The following PCCA variants were observed in gnomAD, a reference collection of about 807,000 sequenced individuals.
The protein encoded by PCCA is propionyl-CoA carboxylase subunit alpha.
A neutral mutation model predicts 101.3 loss-of-function variants in PCCA; 74 were observed. The ratio of observed to expected loss-of-function variants is 0.73; its 90% confidence interval spans 0.61 to 0.89. The LOEUF is 0.89. PCCA is among the 40% of genes least tolerant of loss of function. PCCA has a pLI of 0.00. For missense variants in PCCA, 891 were observed against 907.0 expected (o/e 0.98, Z 0.23); for synonymous variants, 294 against 313.6 (o/e 0.94, Z 0.66).
chr13:100,174,896 AT>A (rs1053505215), intron 6 of PCCA, among the ~76,000 whole-genome samples: 4 of 151,894 alleles, frequency 2.6e-5, no homozygotes, highest in African/African-American at 9.7e-5. Context: ...ATCTTTATTC[AT>A]TTACCATATT....
At chr13:100,224,265 A>G (rs1388821001) in intron 7 of PCCA, among the ~76,000 whole-genome samples, 4 of 152,214 alleles carry the variant, frequency 2.6e-5, no homozygotes, top group Non-Finnish European at 5.9e-5. Flanking sequence ...TGGGTAACCC[A>G]GTACACCCTC....
At chr13:100,391,811 A>G (rs755366355) in intron 19 of PCCA, among the ~76,000 whole-genome samples, 7 of 152,210 alleles carry the variant, frequency 4.6e-5, no homozygotes. Flanking sequence ...ATACATATTT[A>G]GATCACTTTC....
At chr13:100,257,029 T>C (rs2062122722) in intron 8 of PCCA, among the ~76,000 whole-genome samples, 1 of 152,324 alleles carries the variant, frequency 6.6e-6, no homozygotes, top group Non-Finnish European at 1.5e-5. Context: ...AGCTTCTCCA[T>C]TGATACCAGT....
At chr13:100,420,661 A>G (rs1256833267) in intron 19 of PCCA, among the ~76,000 whole-genome samples, 1 of 152,196 alleles carries the variant, frequency 6.6e-6, no homozygotes, top group African/African-American at 2.4e-5. Flanking sequence ...TAGCAGAGAT[A>G]TTTGACCTTG....
At chr13:100,517,560 C>T (rs1294832805) in intron 22 of PCCA, among the ~76,000 whole-genome samples, 2 of 152,116 alleles carry the variant, frequency 1.3e-5, no homozygotes, top group Non-Finnish European at 2.9e-5. Flanking sequence ...GCAACGGGGC[C>T]TATATTTTAT....
At chr13:100,506,798 G>C (rs970855728) in intron 21 of PCCA, among the ~76,000 whole-genome samples, 4 of 152,036 alleles carry the variant, frequency 2.6e-5, no homozygotes, top group Non-Finnish European at 5.9e-5. Context: ...AAGAGGGTTG[G>C]GCACCGTCGT....
At chr13:100,517,730 T>C (rs959004261) in intron 22 of PCCA, among the ~76,000 whole-genome samples, 1 of 152,156 alleles carries the variant, frequency 6.6e-6, no homozygotes, top group African/African-American at 2.4e-5. Flanking sequence ...AGAACTTCCT[T>C]TCATATTCTG....
intron 7 of PCCA, among the ~76,000 whole-genome samples, chr13:100,219,452 T>A (rs1399821561): frequency 6.6e-6 from 1 of 152,102 alleles, no homozygotes; most frequent in South Asian, 2.1e-4. Flanking sequence ...AGATTTTTCC[T>A]TATGAAATTA....
Position 100,273,322 on chromosome 13 carries a change from C to G in PCCA, c.1041C>G (p.Phe347Leu). The change falls in exon 12 of 24, where the codon TTC (phenylalanine) becomes TTG (leucine). Residue 347 changes from phenylalanine (F) to leucine (L), a missense_variant. Coordinates refer to ENST00000376285, the MANE Select transcript of PCCA (RefSeq NM_000282.4). ...FLVDSKKNFY[F>L]LEMNTRLQVE... is the part of the protein sequence containing the mutation. Reference sequence around the variant, plus strand: ...TGGACTCTAAGAAGAATTTTTATTTCTTGGAAATGAATACAAGACTCCAGG... The same window carrying G: ...TGGACTCTAAGAAGAATTTTTATTTGTTGGAAATGAATACAAGACTCCAGG... The G allele has an allele frequency of 6.2e-7, 1 of 1,612,966 alleles. No homozygotes were observed. The highest frequency in any genetic ancestry group is 8.5e-7 in the Non-Finnish European group (1 of 1,178,996).
intron 21 of PCCA, among the ~76,000 whole-genome samples, chr13:100,476,198 G>T (rs371434759): frequency 1.6e-3 from 242 of 152,282 alleles, no homozygotes; most frequent in Admixed American, 2.7e-3. Flanking sequence ...TGCTGTTTGT[G>T]TAATTTTTAA....
At chr13:100,285,718 TG>T (rs2064565954) in intron 12 of PCCA, among the ~76,000 whole-genome samples, 1 of 152,108 alleles carries the variant, frequency 6.6e-6, no homozygotes, top group Admixed American at 6.6e-5. Flanking sequence ...TCCCAGAGGA[TG>T]GGGAACCAAT....
chr13:100,334,339 G>T (rs528938587), intron 17 of PCCA, among the ~76,000 whole-genome samples: 1 of 152,138 alleles, frequency 6.6e-6, no homozygotes, highest in Non-Finnish European at 1.5e-5. Flanking sequence ...TGTACCCTGC[G>T]GCTTTTCTCC....
chr13:100,370,033 A>G (rs1030599940), intron 19 of PCCA, among the ~76,000 whole-genome samples: 2 of 151,300 alleles, frequency 1.3e-5, no homozygotes, highest in African/African-American at 2.4e-5. Flanking sequence ...CCTTACCTTA[A>G]TAAAGAAAAC....
At chr13:100,117,399 A>G (rs1228920270) in intron 4 of PCCA, among the ~76,000 whole-genome samples, 1 of 150,842 alleles carries the variant, frequency 6.6e-6, no homozygotes, top group East Asian at 1.9e-4. Flanking sequence ...TGTTTGCTTT[A>G]TATTTGTATC....
chr13:100,389,372 T>C (rs867367478), intron 19 of PCCA, among the ~76,000 whole-genome samples: 1 of 152,146 alleles, frequency 6.6e-6, no homozygotes, highest in Non-Finnish European at 1.5e-5. Context: ...TCATTATCCT[T>C]AGGAAACTAA....
At chr13:100,500,050 GAAGT>G (rs1173803965) in intron 21 of PCCA, among the ~76,000 whole-genome samples, 2 of 152,068 alleles carry the variant, frequency 1.3e-5, no homozygotes, top group Non-Finnish European at 2.9e-5. Flanking sequence ...GAATCTAATT[GAAGT>G]AAGAAATTGG....
chr13:100,458,277 CAG>C (rs74628313), intron 21 of PCCA, among the ~76,000 whole-genome samples: 32,222 of 142,076 alleles, frequency 0.23, 4,525 homozygotes, highest in East Asian at 0.54. Flanking sequence ...GCCTGGGCAA[CAG>C]TGGGACCCCA....
intron 8 of PCCA, among the ~76,000 whole-genome samples, chr13:100,238,070 C>T (rs2060912632): frequency 6.6e-6 from 1 of 151,732 alleles, no homozygotes; most frequent in Non-Finnish European, 1.5e-5. Context: ...TCCTGAGTAG[C>T]TGGGATTGCA....
intron 21 of PCCA, among the ~76,000 whole-genome samples, chr13:100,483,925 C>G (rs2084158943): frequency 6.6e-6 from 1 of 152,128 alleles, no homozygotes. Flanking sequence ...AGAAGGAGTG[C>G]TTTGTGCCAG....
Sources: allele counts gnomAD v4.1 joint callset (sites outside exome capture counted in the v4.1 genomes callset), GRCh38; gene constraint gnomAD v4.1.1; transcripts MANE v1.5; gene names NCBI Gene and HGNC (gene_info 2026-07-23, HGNC 2026-07-21).